ZNF454: variants seen among roughly 807,000 people sequenced by gnomAD.
ZNF454 encodes zinc finger protein 454.
Under a neutral mutation model 48.2 loss-of-function variants are expected in ZNF454, and 30 were observed. The ratio of observed to expected loss-of-function variants is 0.62; its 90% CI spans 0.47 to 0.84. The LOEUF is 0.84. Among genes scored for constraint, ZNF454 ranks in the 40% least tolerant of loss-of-function variants. The pLI is 0.00. For synonymous variants in ZNF454, 204 were observed against 211.4 expected (o/e 0.97, Z 0.30); for missense variants, 510 against 623.1 (o/e 0.82, Z 1.93).
the ZNF454 span, among the ~76,000 whole-genome samples, chr5:178,974,258 T>C: frequency 6.6e-6 from 1 of 152,174 alleles, no homozygotes. Flanking sequence ...AGGTTTTCTT[T>C]AGTCATGAAC....
intron 4 of ZNF454, among the ~76,000 whole-genome samples, chr5:178,947,547 G>A (rs1759387269): frequency 6.6e-6 from 1 of 152,178 alleles, no homozygotes; most frequent in African/African-American, 2.4e-5. Context: ...TTGCTGTGTT[G>A]CTCACACCTA....
intron 2 of ZNF454, among the ~76,000 whole-genome samples, chr5:178,943,385 C>T (rs1169411962): frequency 2.6e-5 from 4 of 152,138 alleles, no homozygotes; most frequent in African/African-American, 9.7e-5. Flanking sequence ...TCACGTGAAC[C>T]AACTGAGCGA....
chr5:178,964,746 C>G lies in ZNF454; in HGVS notation c.342C>G (p.Phe114Leu). The G allele has an allele frequency of 6.2e-7, 1 of 1,614,170 alleles. No individual in the cohort carries two copies. Among genetic ancestry groups the G allele is most frequent in the Non-Finnish European group, 8.5e-7 (1 of 1,180,030 alleles). The change falls in exon 5 of 5, where the codon TTC (phenylalanine) becomes TTG (leucine). Residue 114 changes from phenylalanine (F) to leucine (L), a missense_variant. By Grantham distance (22) the Phe-to-Leu change is conservative. Around this residue, in one of 3 missense-constraint regions of ZNF454, gnomAD observed 354 missense variants for 408.9 expected, o/e 0.87. Transcript: ENST00000519564. ...ELDQWTIKER[F>L]SSSSHWKCAS... ...ATCAATGGACAATAAAGGAAAGATT[C>G]AGTAGCAGTAGTCACTGGAAGTGTG...
rs539922051 is a variant in ZNF454 at position 178,966,064 on chromosome 5, C to T, written c.*91C>T. On this transcript the variant is annotated 3_prime_UTR_variant, in exon 5 of 5. Transcript: ENST00000519564. ...CCGTTCTAGAGAATAACTATGAAAGCTTGCATCAAGATAGTCACTTTATTT... is the reference window on the plus strand; with the variant it reads ...CCGTTCTAGAGAATAACTATGAAAGTTTGCATCAAGATAGTCACTTTATTT... 1 of 1,144,650 alleles carries T rather than the reference C, an allele frequency of 8.7e-7. No individual in the cohort carries two copies. Among genetic ancestry groups the T allele is most frequent in the African/African-American group, 1.5e-5 (1 of 64,848 alleles). The allele number at this position is 1,144,650 out of a possible 1,614,324, so 70.9% of individuals were successfully genotyped here. A position where few individuals can be genotyped will look rare whatever the true frequency, so the allele number is the denominator to read the frequency against.
chr5:178,952,573 A>G (rs1759603085), intron 4 of ZNF454, among the ~76,000 whole-genome samples: 1 of 152,070 alleles, frequency 6.6e-6, no homozygotes. Flanking sequence ...AAAATCTATT[A>G]GTCTTTGTCT....
At chr5:178,973,524 T>A in the ZNF454 span, among the ~76,000 whole-genome samples, 2 of 152,132 alleles carry the variant, frequency 1.3e-5, no homozygotes, top group Admixed American at 6.6e-5. Flanking sequence ...CTCCAGTTTT[T>A]AGTGTCTTTA....
At chr5:178,988,573 G>A in the ZNF454 span, among the ~76,000 whole-genome samples, 38 of 152,254 alleles carry the variant, frequency 2.5e-4, no homozygotes, top group African/African-American at 5.3e-4. The surrounding 1 kb of genome is among the most constrained non-coding windows in gnomAD (Gnocchi z 6.0). Context: ...CTGGGTAGGC[G>A]CCCCACGCAG....
At chr5:178,970,449 C>T (rs909258137), downstream of ZNF454, among the ~76,000 whole-genome samples, 4 of 152,214 alleles carry the variant, frequency 2.6e-5, no homozygotes, top group African/African-American at 9.6e-5. Flanking sequence ...AAGGACCTCT[C>T]GGCGGTGCTG....
the ZNF454 span, chr5:178,976,247 G>C: frequency 3.2e-6 from 1 of 316,732 alleles, no homozygotes; most frequent in East Asian, 9.0e-5. Context: ...CTGCTCTGCT[G>C]TTTTCTTTTG....
chr5:178,981,579 C>A, the ZNF454 span: 1 of 1,135,844 alleles, frequency 8.8e-7, no homozygotes, highest in Admixed American at 1.8e-5. This position sits in a 1 kb window ranked among gnomAD's most constrained non-coding sequence, Gnocchi z 5.1. Flanking sequence ...ACCGTGGACC[C>A]GGGCTCTATA....
At chr5:178,967,742 C>CTTTTTTTTT (rs10694687), downstream of ZNF454, among the ~76,000 whole-genome samples, 1 of 129,532 alleles carries the variant, frequency 7.7e-6, no homozygotes, top group Non-Finnish European at 1.6e-5. Context: ...TTTTCTTTTT[C>CTTTTTTTTT]TTTTTTTTTT....
At chr5:178,949,260 C>A (rs1759464428) in intron 4 of ZNF454, among the ~76,000 whole-genome samples, 1 of 151,908 alleles carries the variant, frequency 6.6e-6, no homozygotes, top group African/African-American at 2.4e-5. Context: ...TCATGTTGGC[C>A]AGGCTGTTCT....
Position 178,961,133 on chromosome 5 carries a change from G to A in ZNF454, c.251-3522G>A, listed in dbSNP as rs758864760. ...TTTAGTAGAGACGGGGTTTCACCAC[G>A]TTGGCCAGGATGGTCTCAATCTCTT... On this transcript the variant is annotated intron_variant, in intron 4 of 4. Transcript: ENST00000519564. Among the ~76,000 whole-genome samples the A allele has an allele frequency of 1.1e-4, 17 of 151,362 alleles. 1 individual carries two copies. The highest frequency in any genetic ancestry group is 6.2e-4 in the East Asian group (3 of 4,860).
the ZNF454 span, among the ~76,000 whole-genome samples, chr5:178,973,609 C>T: frequency 2.6e-5 from 4 of 151,994 alleles, no homozygotes; most frequent in East Asian, 1.9e-4. Context: ...TTTGGGAGGC[C>T]GAAGCGGGCG....
downstream of ZNF454, chr5:178,969,695 T>C (rs1433439001): frequency 4.4e-6 from 2 of 455,654 alleles, no homozygotes; most frequent in South Asian, 3.1e-5. Flanking sequence ...TAGAAAAAGG[T>C]AAGAGCCTGA....
At chr5:178,949,611 T>G (rs925489815) in intron 4 of ZNF454, among the ~76,000 whole-genome samples, 110 of 152,086 alleles carry the variant, frequency 7.2e-4, no homozygotes, top group Non-Finnish European at 2.6e-4. Flanking sequence ...CATTTCCTTT[T>G]TTTTGTTTTT....
the ZNF454 span, chr5:178,985,606 G>C: frequency 5.1e-5 from 18 of 354,946 alleles, no homozygotes; most frequent in Middle Eastern, 6.2e-4. Context: ...GGGAGGCTGA[G>C]GCAGGAGAAT....
At chr5:178,968,105 TCACACACACACACACACA>T (rs3031585), downstream of ZNF454, among the ~76,000 whole-genome samples, 52 of 145,086 alleles carry the variant, frequency 3.6e-4, 2 homozygotes, top group South Asian at 0.011. Context: ...CATCTGTGCA[TCACACACACACACACACA>T]CACACACACA....
chr5:178,968,307 AC>A (rs1760196589), downstream of ZNF454, among the ~76,000 whole-genome samples: 2 of 151,926 alleles, frequency 1.3e-5, no homozygotes, highest in South Asian at 4.2e-4. Flanking sequence ...AAGTTGAGCA[AC>A]CCCCTGACCC....
Sources: gnomAD v4.1 joint callset for allele counts (sites outside exome capture counted in the v4.1 genomes callset) on GRCh38, gnomAD v4.1.1 for gene constraint, gnomAD v4.1.1 regional missense constraint, Gnocchi (gnomAD v3.1) non-coding constraint, MANE v1.5 for transcripts, NCBI Gene and HGNC (gene_info 2026-07-23, HGNC 2026-07-21) for gene names.